Variants in HBS1L observed in about 807,000 individuals in gnomAD.
HBS1L encodes the protein HBS1-like protein.
HBS1L carries 55 observed loss-of-function variants against 88.9 expected under a neutral mutation model. That is an observed-to-expected ratio of 0.62 (90% confidence interval 0.50 to 0.77). HBS1L has a LOEUF of 0.77. HBS1L is among the 30% of genes least tolerant of loss of function. The probability of loss-of-function intolerance (pLI) is 0.00; values close to 1 mark genes in which losing one functional copy is unlikely to be tolerated. For missense variants in HBS1L, 741 were observed against 829.3 expected (o/e 0.89, Z 1.31); for synonymous variants, 267 against 288.5 (o/e 0.93, Z 0.76).
In HBS1L at chr6:134,997,497, T is replaced by A. The variant is rs773935387; in HGVS notation, c.699A>T (p.Ala233=). The change falls in exon 6 of 18, where the codon GCA becomes GCT. Residue 233 remains alanine (A), a synonymous_variant. Transcript: ENST00000367837. ...TCAGCTTGCCAGACTTTTTCACCGG[T>A]GCTGGGGTTGAACTCTGCTCTTCTG... ...QASEEQSSTP[A]PVKKSGKLRQ... 1 of 1,613,998 alleles carries A rather than the reference T, an allele frequency of 6.2e-7. No homozygotes were observed. The highest frequency in any genetic ancestry group is 1.1e-5 in the South Asian group (1 of 91,068).
At chr6:135,006,584 T>C (rs1775619835) in intron 4 of HBS1L, among the ~76,000 whole-genome samples, 1 of 151,862 alleles carries the variant, frequency 6.6e-6, no homozygotes. Flanking sequence ...GAAAGAATAA[T>C]GATGGAAAGG....
At chr6:134,975,580 T>C (rs1774620108) in intron 15 of HBS1L, among the ~76,000 whole-genome samples, 1 of 152,222 alleles carries the variant, frequency 6.6e-6, no homozygotes, top group East Asian at 1.9e-4. Context: ...TGCAACAGAA[T>C]AGAGAACCCA....
intron 8 of HBS1L, among the ~76,000 whole-genome samples, chr6:134,990,801 C>T (rs928387190): frequency 6.6e-6 from 1 of 152,182 alleles, no homozygotes; most frequent in Admixed American, 6.5e-5. Context: ...ATCTGCCCAC[C>T]TCAGCCTCCC....
chr6:135,029,684 T>C (rs1185384040), intron 4 of HBS1L, among the ~76,000 whole-genome samples: 3 of 152,106 alleles, frequency 2.0e-5, no homozygotes, highest in South Asian at 4.1e-4. Context: ...TTTCTAGAAA[T>C]GTAGGATGCT....
chr6:135,041,719 C>T (rs949068775), intron 3 of HBS1L, among the ~76,000 whole-genome samples: 3 of 152,078 alleles, frequency 2.0e-5, no homozygotes, highest in Admixed American at 6.6e-5. Flanking sequence ...TTCTTCTTAA[C>T]GAATCACTAG....
chr6:135,000,577 A>G (rs1775423198), intron 5 of HBS1L, among the ~76,000 whole-genome samples: 1 of 152,038 alleles, frequency 6.6e-6, no homozygotes, highest in Admixed American at 6.6e-5. Flanking sequence ...ACTATTTTTA[A>G]TATTATTAAA....
At chr6:135,016,328 T>C (rs1034700502) in intron 4 of HBS1L, among the ~76,000 whole-genome samples, 1 of 152,268 alleles carries the variant, frequency 6.6e-6, no homozygotes, top group Non-Finnish European at 1.5e-5. Flanking sequence ...TGTTTGCATT[T>C]CAGAATGTCC....
Position 134,964,418 on chromosome 6 carries a change from T to C in HBS1L, c.*861A>G, listed in dbSNP as rs777320351. 2.6e-5 allele frequency: 4 copies of C among 152,154 alleles called. No homozygotes were observed. The highest frequency in any genetic ancestry group is 1.3e-4 in the Admixed American group (2 of 15,272). The allele number at this position is 152,154 out of a possible 1,614,324, so 9.4% of individuals were successfully genotyped here. A position where few individuals can be genotyped will look rare whatever the true frequency, so the allele number is the denominator to read the frequency against. On this transcript the variant is annotated 3_prime_UTR_variant, in exon 18 of 18. Coordinates refer to ENST00000367837, the MANE Select transcript of HBS1L (RefSeq NM_006620.4). ...AAGCAAGATAAAGAAAGGGCCATCA[T>C]AGGTATAATTCTAAAAGTGAGAATG...
At chr6:134,981,743 G>A (rs906064873) in intron 13 of HBS1L, among the ~76,000 whole-genome samples, 1 of 151,714 alleles carries the variant, frequency 6.6e-6, no homozygotes. Context: ...AATAAAAGAG[G>A]TATAGAATTA....
At chr6:135,054,262 T>C (rs1777177432) in intron 1 of HBS1L, among the ~76,000 whole-genome samples, 1 of 152,250 alleles carries the variant, frequency 6.6e-6, no homozygotes, top group Admixed American at 6.5e-5. Flanking sequence ...AAGCAACGTT[T>C]CATGGACATT....
Position 134,986,085 on chromosome 6 carries a change from T to C in HBS1L, c.1404A>G (p.Leu468=), listed in dbSNP as rs1368522259. 1.2e-5 allele frequency: 18 copies of C among 1,510,578 alleles called. No homozygotes were observed. In the East Asian group the frequency reaches 2.0e-4, roughly 17 times the overall value. The allele number at this position is 1,510,578 out of a possible 1,614,324, so 93.6% of individuals were successfully genotyped here. A position where few individuals can be genotyped will look rare whatever the true frequency, so the allele number is the denominator to read the frequency against. ...ACTTACCAATTTGTTCTAATAAACA[T>C]AGTCCTTTATACCATTTTGTGAGTT... ...SSELTKWYKG[L]CLLEQIDSFK... The change falls in exon 11 of 18, where the codon CTA becomes CTG. Residue 468 remains leucine (L), a synonymous_variant. Transcript: ENST00000367837.
intron 17 of HBS1L, 110 bp from the exon 18 acceptor site, chr6:134,965,400 TTTTC>T: frequency 1.3e-6 from 1 of 761,420 alleles, no homozygotes; most frequent in Non-Finnish European, 2.1e-6. Flanking sequence ...GAGAAAATCT[TTTTC>T]TTTGTCCTGC....
chr6:134,968,225 T>C (rs1469487764), intron 16 of HBS1L, among the ~76,000 whole-genome samples: 2 of 150,970 alleles, frequency 1.3e-5, no homozygotes, highest in African/African-American at 2.4e-5. Flanking sequence ...TAGCCTTAAC[T>C]TGGATTTGGG....
At chr6:135,016,013 G>A (rs1287842167) in intron 4 of HBS1L, among the ~76,000 whole-genome samples, 1 of 151,246 alleles carries the variant, frequency 6.6e-6, no homozygotes. Flanking sequence ...AGCCTCCCAA[G>A]TACCTAGGAA....
chr6:134,996,773 C>T lies in HBS1L; in HGVS notation c.965+4G>A, dbSNP rs750038966. The T allele has an allele frequency of 7.6e-6, 12 of 1,582,504 alleles. No homozygotes were observed. The South Asian group carries it at 1.3e-4, about 17-fold the overall frequency. ...AACTGAAAATTTTGAAATATAGTGA[C>T]TACCTTTCCCTTTCTTCGCCAGTTT... On this transcript the variant is annotated splice_donor_region_variant and intron_variant, in intron 7 of 17. Transcript: ENST00000367837.
intron 3 of HBS1L, among the ~76,000 whole-genome samples, chr6:135,041,164 G>T (rs1014229216): frequency 6.6e-5 from 10 of 151,360 alleles, no homozygotes; most frequent in African/African-American, 2.4e-4. Flanking sequence ...AAAAGTATTT[G>T]ATACTTCTTT....
chr6:135,039,554 A>T lies in HBS1L; in HGVS notation c.430+19T>A. On this transcript the variant is annotated intron_variant, in intron 4 of 17. Transcript: ENST00000367837. ...ATTAACTATGTAAAACAAGTGAAAA[A>T]GAACAAGTAAAGGCATACCTTTTGC... The T allele has an allele frequency of 6.2e-7, 1 of 1,600,248 alleles. No homozygotes were observed. Among genetic ancestry groups the T allele is most frequent in the Non-Finnish European group, 8.5e-7 (1 of 1,172,804 alleles).
At chr6:134,991,530 T>C (rs1206330460) in intron 8 of HBS1L, among the ~76,000 whole-genome samples, 3 of 152,234 alleles carry the variant, frequency 2.0e-5, no homozygotes, top group Non-Finnish European at 4.4e-5. Flanking sequence ...CCTAGAGTTG[T>C]TATAAAGATT....
chr6:134,980,756 T>TA (rs35277818), intron 13 of HBS1L, among the ~76,000 whole-genome samples: 40 of 148,084 alleles, frequency 2.7e-4, no homozygotes, highest in South Asian at 8.5e-4. Flanking sequence ...GTTAATAAAG[T>TA]AAAAAAAAAA....
Sources: gnomAD v4.1 joint callset for allele counts (sites outside exome capture counted in the v4.1 genomes callset) on GRCh38, gnomAD v4.1.1 for gene constraint, MANE v1.5 for transcripts, NCBI Gene and HGNC (gene_info 2026-07-23, HGNC 2026-07-21) for gene names.